Variants in ADAM9 observed in about 807,000 individuals in gnomAD.
The protein encoded by ADAM9 is ADAM metallopeptidase domain 9.
Under a neutral mutation model 108.1 loss-of-function variants are expected in ADAM9, and 54 were observed. The ratio of observed to expected loss-of-function variants is 0.50; its 90% CI spans 0.40 to 0.63. ADAM9 has a LOEUF of 0.63. Among genes scored for constraint, ADAM9 ranks in the 20% least tolerant of loss-of-function variants. The pLI is 0.00. For missense variants in ADAM9, 830 were observed against 997.7 expected (o/e 0.83, Z 2.26); for synonymous variants, 316 against 336.0 (o/e 0.94, Z 0.65).
chr8:39,082,613 T>A (rs1374854289), intron 16 of ADAM9, 28 bp from the exon 17 acceptor site: 1 of 1,575,008 alleles, frequency 6.3e-7, no homozygotes, highest in African/African-American at 1.3e-5. Flanking sequence ...CAATCTTTCT[T>A]TACTTAGTTC....
chr8:39,029,186 A>G (rs1182647689), intron 11 of ADAM9, among the ~76,000 whole-genome samples: 3 of 145,852 alleles, frequency 2.1e-5, no homozygotes, highest in African/African-American at 7.7e-5. Context: ...GGGATACAGT[A>G]GATAGAAAGG....
In ADAM9 at chr8:39,104,946, G is replaced by A. The variant is rs993737357; in HGVS notation, c.*1246G>A. On this transcript the variant is annotated 3_prime_UTR_variant, in exon 22 of 22. Transcript: ENST00000487273. ...TTTTTTAAAAGTGTTTTTGGTTTGT[G>A]TATATATACATATACAAATACAACA... 4.7e-6 allele frequency: 2 copies of A among 430,034 alleles called. No homozygotes were observed. The highest frequency in any genetic ancestry group is 9.1e-6 in the Non-Finnish European group (2 of 220,702). The allele number at this position is 430,034 out of a possible 1,614,324, so 26.6% of individuals were successfully genotyped here.
At chr8:39,078,302 C>T (rs955673181) in intron 16 of ADAM9, among the ~76,000 whole-genome samples, 15 of 150,220 alleles carry the variant, frequency 1.0e-4, no homozygotes, top group Non-Finnish European at 1.5e-4. Flanking sequence ...TGCAATTTCC[C>T]TTTCAATAAG....
In ADAM9 at chr8:39,021,002, ACT is replaced by A. The variant is rs992855285; in HGVS notation, c.673-638_673-637del. 4.6e-5 allele frequency among the ~76,000 whole-genome samples: 7 copies of A among 152,274 alleles called. No individual in the cohort carries two copies. In the South Asian group the frequency reaches 1.2e-3, roughly 27 times the overall value. ...TATCTATGCATTTTGATTGCTTAAA[ACT>A]CTACCTTTGTGAAATGCTTGAAAAT... On this transcript the variant is annotated intron_variant, in intron 7 of 21. Transcript: ENST00000487273.
At chr8:39,006,676 A>G (rs1468343563) in intron 1 of ADAM9, among the ~76,000 whole-genome samples, 1 of 151,694 alleles carries the variant, frequency 6.6e-6, no homozygotes, top group African/African-American at 2.4e-5. Context: ...TGTCTTCCTA[A>G]GAGATTTGTG....
intron 3 of ADAM9, among the ~76,000 whole-genome samples, chr8:39,013,509 T>G (rs1008308290): frequency 3.3e-5 from 5 of 151,476 alleles, no homozygotes; most frequent in Non-Finnish European, 7.4e-5. Context: ...TTTCTCCTTT[T>G]TTTTTTTTTA....
chr8:39,049,323 A>T (rs1357268070), intron 12 of ADAM9, among the ~76,000 whole-genome samples: 1 of 151,952 alleles, frequency 6.6e-6, no homozygotes, highest in Non-Finnish European at 1.5e-5. Context: ...GCTGATAACA[A>T]CTTAACCTCA....
In ADAM9 at chr8:39,071,296, A is replaced by G; in HGVS notation, c.1592-2A>G. 1.9e-6 allele frequency: 3 copies of G among 1,613,956 alleles called. No individual in the cohort carries two copies. The highest frequency in any genetic ancestry group is 2.5e-6 in the Non-Finnish European group (3 of 1,179,926). ...TCTTTTTTTAAATGTTTAATGTTAC[A>G]GAAGCCAAGGCTGCCCCCAAAGATT... On this transcript the variant is annotated splice_acceptor_variant, in intron 14 of 21. Transcript: ENST00000487273. LOFTEE classifies it high-confidence loss of function.
chr8:39,091,748 A>T (rs760770143), intron 20 of ADAM9, among the ~76,000 whole-genome samples: 1 of 152,274 alleles, frequency 6.6e-6, no homozygotes, highest in Non-Finnish European at 1.5e-5. Flanking sequence ...TGGCCTCCCA[A>T]AGTGCTGGGA....
chr8:39,040,140 C>G (rs561837283), intron 11 of ADAM9, among the ~76,000 whole-genome samples: 1 of 152,164 alleles, frequency 6.6e-6, no homozygotes, highest in African/African-American at 2.4e-5. Context: ...ACCTCTGCCT[C>G]CCAGGTTCAA....
chr8:39,093,893 C>G (rs1839424798), intron 20 of ADAM9, among the ~76,000 whole-genome samples: 1 of 152,216 alleles, frequency 6.6e-6, no homozygotes, highest in African/African-American at 2.4e-5. Context: ...CCTCAGCCTC[C>G]TGAGTAGCTG....
chr8:39,084,034 A>G (rs1363090492), intron 18 of ADAM9, among the ~76,000 whole-genome samples: 1 of 152,122 alleles, frequency 6.6e-6, no homozygotes, highest in Non-Finnish European at 1.5e-5. Context: ...TCCAGTAGGT[A>G]TGTAGTGGTA....
intron 11 of ADAM9, among the ~76,000 whole-genome samples, chr8:39,027,913 T>A (rs539385328): frequency 7.3e-5 from 11 of 151,440 alleles, no homozygotes; most frequent in African/African-American, 1.5e-4. Context: ...TAAAAAAAAA[T>A]AAATAAATAA....
chr8:39,070,042 A>G (rs186798232), intron 14 of ADAM9, among the ~76,000 whole-genome samples: 2 of 149,322 alleles, frequency 1.3e-5, no homozygotes, highest in Admixed American at 1.3e-4. Flanking sequence ...ATTTCCATCT[A>G]CTTAGGAGGC....
At position 39,082,659 on chromosome 8, in the gene ADAM9, T is replaced by G; in HGVS notation, c.1900T>G (p.Cys634Gly). 6.2e-7 allele frequency: 1 copy of G among 1,611,716 alleles called. No individual in the cohort carries two copies. The highest frequency in any genetic ancestry group is 8.5e-7 in the Non-Finnish European group (1 of 1,178,610). The change falls in exon 17 of 22, where the codon TGT becomes GGT. Residue 634 changes from cysteine to glycine, a missense_variant. Coordinates refer to ENST00000487273, the MANE Select transcript of ADAM9 (RefSeq NM_003816.3). ...TTTTCAGATCTGTAGAAACTTCCAG[T>G]GTGTAGATGCTTCTGTTCTGAATTA... ...GAGKICRNFQ[C>G]VDASVLNYDC...
chr8:39,047,928 A>AT (rs540972023), intron 12 of ADAM9, among the ~76,000 whole-genome samples: 1,551 of 133,198 alleles, frequency 0.012, 11 homozygotes, highest in South Asian at 0.021. Flanking sequence ...CTTTCCTTGT[A>AT]TTTTTTTTTT....
intron 14 of ADAM9, among the ~76,000 whole-genome samples, chr8:39,058,086 A>T (rs1187046625): frequency 6.6e-6 from 1 of 152,196 alleles, no homozygotes; most frequent in Non-Finnish European, 1.5e-5. Context: ...AGGTAAAGTG[A>T]TGTTTATTCT....
chr8:39,062,403 T>C (rs561626201), intron 14 of ADAM9, among the ~76,000 whole-genome samples: 1 of 152,366 alleles, frequency 6.6e-6, no homozygotes, highest in East Asian at 1.9e-4. Context: ...AATTAGACTT[T>C]TGTTTACTTG....
intron 14 of ADAM9, among the ~76,000 whole-genome samples, chr8:39,066,806 T>G (rs1838493459): frequency 6.6e-6 from 1 of 152,248 alleles, no homozygotes; most frequent in Non-Finnish European, 1.5e-5. Flanking sequence ...TTTTGGTGTT[T>G]TAGACATGAA....
Sources: gnomAD v4.1 joint callset for allele counts (sites outside exome capture counted in the v4.1 genomes callset) on GRCh38, gnomAD v4.1.1 for gene constraint, MANE v1.5 for transcripts, NCBI Gene and HGNC (gene_info 2026-07-23, HGNC 2026-07-21) for gene names.